Variants in DOCK7 observed in about 807,000 individuals in gnomAD.
DOCK7 encodes dedicator of cytokinesis protein 7.
In DOCK7, 138 loss-of-function variants were observed where a neutral mutation model predicts 271.0. That is an observed-to-expected ratio of 0.51 (90% CI 0.44 to 0.59). The LOEUF is 0.59. Among genes scored for constraint, DOCK7 ranks in the 20% least tolerant of loss-of-function variants. The pLI, the probability that DOCK7 is intolerant of heterozygous loss-of-function variation, is 0.00. For missense variants in DOCK7, 2,066 were observed against 2,592.4 expected, an observed-to-expected ratio of 0.80 and a Z score of 4.41; for synonymous variants, 823 against 876.1, an observed-to-expected ratio of 0.94 and a Z score of 1.07.
At chr1:62,596,760 T>C (rs755259458) in intron 14 of DOCK7, among the ~76,000 whole-genome samples, 14 of 152,138 alleles carry the variant, frequency 9.2e-5, no homozygotes, top group Non-Finnish European at 1.8e-4. Context: ...ACATTGAAGG[T>C]ATTTAAGATT....
chr1:62,497,363 T>C (rs573403244), intron 37 of DOCK7, among the ~76,000 whole-genome samples: 1 of 152,326 alleles, frequency 6.6e-6, no homozygotes, highest in African/African-American at 2.4e-5. Context: ...CTGATATTTG[T>C]CTGTAGAACT....
chr1:62,461,658 G>C (rs1202411208), intron 48 of DOCK7, among the ~76,000 whole-genome samples: 2 of 136,352 alleles, frequency 1.5e-5, no homozygotes, highest in African/African-American at 5.3e-5. Flanking sequence ...GTGACACAGT[G>C]AGACCCCATC....
intron 7 of DOCK7, among the ~76,000 whole-genome samples, chr1:62,646,843 A>G (rs1052900264): frequency 6.6e-6 from 1 of 152,230 alleles, no homozygotes; most frequent in Middle Eastern, 3.2e-3. Context: ...AACTCTGTGA[A>G]TACATACCAC....
intron 30 of DOCK7, among the ~76,000 whole-genome samples, chr1:62,529,001 T>C (rs1645096375): frequency 6.6e-6 from 1 of 152,206 alleles, no homozygotes; most frequent in Non-Finnish European, 1.5e-5. Flanking sequence ...AGATGTATAC[T>C]GCATGTTCAC....
At chr1:62,636,638 T>C in intron 7 of DOCK7, 35 bp from the exon 8 acceptor site, 1 of 1,511,816 alleles carries the variant, frequency 6.6e-7, no homozygotes. Context: ...AATTTAAAGA[T>C]AAACATGAAA....
At chr1:62,591,883 T>A (rs1648501125) in intron 14 of DOCK7, among the ~76,000 whole-genome samples, 1 of 152,212 alleles carries the variant, frequency 6.6e-6, no homozygotes, top group Non-Finnish European at 1.5e-5. Context: ...CCAAAATACA[T>A]GAGGGCAGGG....
intron 22 of DOCK7, among the ~76,000 whole-genome samples, chr1:62,552,001 A>G (rs998168816): frequency 1.3e-5 from 2 of 151,982 alleles, no homozygotes; most frequent in Non-Finnish European, 2.9e-5. Flanking sequence ...TTTTAAAAGA[A>G]CCTTAAGGAA....
rs139444739 is a variant in DOCK7 at position 62,557,267 on chromosome 1, G to A, written c.2432-1278C>T. 3.3e-5 allele frequency among the ~76,000 whole-genome samples: 5 copies of A among 151,852 alleles called. 1 individual carries two copies. The East Asian group carries it at 9.8e-4, about 30-fold the overall frequency. ...TTACTTTATCTCCTCTCCAAAGGAA[G>A]TAGTGCCCTCTCCTATGTAAGAGTG... On this transcript the variant is annotated intron_variant, in intron 20 of 49. Transcript: ENST00000635253.
chr1:62,601,305 T>A, intron 14 of DOCK7: 4 of 789,868 alleles, frequency 5.1e-6, no homozygotes, highest in Non-Finnish European at 8.7e-6. Context: ...TCAAATACAA[T>A]GTATCAACCT....
chr1:62,534,413 G>A (rs990634722), intron 29 of DOCK7, among the ~76,000 whole-genome samples: 2 of 152,036 alleles, frequency 1.3e-5, no homozygotes, highest in Admixed American at 6.5e-5. Context: ...CAGGAGTTGG[G>A]AGACCAGCCT....
rs752643984 is a variant in DOCK7, at chr1:62,542,577, A to T, written c.3045+31T>A. On this transcript the variant is annotated intron_variant, in intron 25 of 49. Coordinates refer to ENST00000635253, the MANE Select transcript of DOCK7 (RefSeq NM_001367561.1). ...ATAAAATTGTTCACTAAGAGAAAAA[A>T]TATTAAAGAACATGCTCAGTTTTTG... 37 of 1,581,764 alleles carry T rather than the reference A, an allele frequency of 2.3e-5. No individual in the cohort carries two copies. The South Asian group carries it at 4.1e-4, about 18-fold the overall frequency.
intron 1 of DOCK7, among the ~76,000 whole-genome samples, chr1:62,663,537 G>A (rs1658929385): frequency 6.6e-6 from 1 of 152,056 alleles, no homozygotes. Context: ...ACACTTTAAA[G>A]TATAAGAATT....
chr1:62,625,557 G>GA (rs1653844677), intron 11 of DOCK7, among the ~76,000 whole-genome samples, 156 bp from the exon 12 acceptor site: 1 of 152,120 alleles, frequency 6.6e-6, no homozygotes, highest in Non-Finnish European at 1.5e-5. Flanking sequence ...AGATTAGTAA[G>GA]AAAGTACCTA....
intron 30 of DOCK7, 95 bp from the exon 31 acceptor site, chr1:62,528,400 G>A: frequency 8.5e-7 from 1 of 1,171,252 alleles, no homozygotes; most frequent in African/African-American, 1.6e-5. Context: ...ATAACTTGTT[G>A]ACATGTTATA....
chr1:62,643,785 A>G (rs944919930), intron 7 of DOCK7, among the ~76,000 whole-genome samples: 7 of 151,890 alleles, frequency 4.6e-5, no homozygotes, highest in African/African-American at 1.7e-4. Flanking sequence ...TTTTCCATCT[A>G]TTTACATCTT....
intron 14 of DOCK7, among the ~76,000 whole-genome samples, chr1:62,611,972 C>T (rs865860380): frequency 2.7e-5 from 4 of 147,976 alleles, no homozygotes; most frequent in Middle Eastern, 3.4e-3. Context: ...CAGTGAAATC[C>T]CATCTCTAGT....
intron 49 of DOCK7, among the ~76,000 whole-genome samples, chr1:62,456,026 T>C (rs969694142): frequency 3.3e-5 from 5 of 152,236 alleles, no homozygotes; most frequent in Admixed American, 2.6e-4. Flanking sequence ...AGGAGAGTGG[T>C]ACTCATGTAG....
At chr1:62,545,137 A>G (rs1557694743) in intron 22 of DOCK7, 98 bp from the exon 23 acceptor site, 7 of 1,178,054 alleles carry the variant, frequency 5.9e-6, no homozygotes, top group South Asian at 1.6e-5. Context: ...TAATGCAAAC[A>G]TGTTTTTAAT....
chr1:62,682,056 A>T (rs962293527), intron 1 of DOCK7, among the ~76,000 whole-genome samples: 2 of 152,154 alleles, frequency 1.3e-5, no homozygotes, highest in African/African-American at 2.4e-5. Flanking sequence ...AGAAAAAAAA[A>T]AAACAGCAGA....
Sources: allele counts gnomAD v4.1 joint callset (sites outside exome capture counted in the v4.1 genomes callset), GRCh38; gene constraint gnomAD v4.1.1; transcripts MANE v1.5; gene names NCBI Gene and HGNC (gene_info 2026-07-23, HGNC 2026-07-21).